Variants in MYH15 observed in about 807,000 individuals in gnomAD.
The protein encoded by MYH15 is myosin-15.
Under a neutral mutation model 240.5 loss-of-function variants are expected in MYH15, and 227 were observed. That is an observed-to-expected ratio of 0.94 (90% confidence interval 0.85 to 1.05). The LOEUF (loss-of-function observed/expected upper bound fraction) is 1.05, where lower values mean the gene tolerates loss of function less well. Among genes scored for constraint, MYH15 ranks in the 50% least tolerant of loss-of-function variants. MYH15 has a pLI of 0.00. For synonymous variants in MYH15, 785 were observed against 796.7 expected (o/e 0.99, Z 0.25); for missense variants, 2,217 against 2,247.5 (o/e 0.99, Z 0.27).
intron 11 of MYH15, among the ~76,000 whole-genome samples, chr3:108,480,517 T>C (rs1445393689): frequency 6.6e-6 from 1 of 152,220 alleles, no homozygotes; most frequent in Non-Finnish European, 1.5e-5. Context: ...AGAGTCATGC[T>C]TTAGGATGCT....
At chr3:108,459,994 C>T (rs1317866641) in intron 17 of MYH15, among the ~76,000 whole-genome samples, 1 of 152,150 alleles carries the variant, frequency 6.6e-6, no homozygotes, top group Non-Finnish European at 1.5e-5. Context: ...AGGCTAAAGT[C>T]TGGAGAGGAG....
chr3:108,534,098 A>G (rs1207342822), upstream of MYH15, among the ~76,000 whole-genome samples: 1 of 152,162 alleles, frequency 6.6e-6, no homozygotes, highest in Admixed American at 6.5e-5. Context: ...CTTGTCATTA[A>G]TCTAAGGAGT....
chr3:108,491,041 C>T (rs151228284), intron 9 of MYH15, among the ~76,000 whole-genome samples: 114 of 152,234 alleles, frequency 7.5e-4, no homozygotes, highest in African/African-American at 2.4e-3. Flanking sequence ...GCACCTGCCA[C>T]CATGCCTGGC....
chr3:108,505,851 A>T, intron 1 of MYH15, 22 bp from the exon 2 acceptor site: 1 of 1,475,200 alleles, frequency 6.8e-7, no homozygotes, highest in East Asian at 2.3e-5. Flanking sequence ...AAAAAAAAAA[A>T]AATGGATTAT....
At chr3:108,537,798 G>T in the MYH15 span, among the ~76,000 whole-genome samples, 1 of 152,146 alleles carries the variant, frequency 6.6e-6, no homozygotes, top group Non-Finnish European at 1.5e-5. Flanking sequence ...AGATAAATGG[G>T]AGACGGGGAA....
At chr3:108,502,895 T>TGCAGAAC (rs1331584051) in intron 2 of MYH15, among the ~76,000 whole-genome samples, 1 of 152,130 alleles carries the variant, frequency 6.6e-6, no homozygotes, top group Non-Finnish European at 1.5e-5. Context: ...CTCAAACCCA[T>TGCAGAAC]GCAGAACGTA....
At chr3:108,518,387 A>G (rs1467652187) in intron 1 of MYH15, among the ~76,000 whole-genome samples, 1 of 152,116 alleles carries the variant, frequency 6.6e-6, no homozygotes, top group Admixed American at 6.6e-5. Flanking sequence ...ACCCCTGCCA[A>G]CATCTGGATC....
At chr3:108,537,785 A>G in the MYH15 span, among the ~76,000 whole-genome samples, 1 of 152,226 alleles carries the variant, frequency 6.6e-6, no homozygotes, top group East Asian at 1.9e-4. Context: ...TACCTTAGAC[A>G]GCAGATAAAT....
intron 25 of MYH15, among the ~76,000 whole-genome samples, chr3:108,436,644 T>C (rs1470892541): frequency 6.6e-6 from 1 of 152,192 alleles, no homozygotes; most frequent in African/African-American, 2.4e-5. Context: ...GTTCAAGCGA[T>C]TCTCCTGCCT....
At chr3:108,505,106 T>C (rs1462986167) in intron 2 of MYH15, among the ~76,000 whole-genome samples, 1 of 152,210 alleles carries the variant, frequency 6.6e-6, no homozygotes, top group East Asian at 1.9e-4. Flanking sequence ...TAAGTCATTA[T>C]TCACCCCACA....
intron 29 of MYH15, 134 bp downstream of exon 29, chr3:108,416,678 T>C: frequency 1.3e-6 from 1 of 746,358 alleles, no homozygotes; most frequent in Non-Finnish European, 2.2e-6. Context: ...CCTGGCATGG[T>C]TTTTCCCCCA....
intron 1 of MYH15, among the ~76,000 whole-genome samples, chr3:108,524,439 T>C (rs909023276): frequency 3.9e-5 from 6 of 152,052 alleles, no homozygotes; most frequent in Non-Finnish European, 5.9e-5. Context: ...TTGTTCTTTG[T>C]ACATTTTGTG....
In MYH15 at chr3:108,381,183, T is replaced by C. The variant is rs2082339761; in HGVS notation, c.*362A>G. 3 of 257,968 alleles carry C rather than the reference T, an allele frequency of 1.2e-5. No homozygotes were observed. The highest frequency in any genetic ancestry group is 2.2e-5 in the Non-Finnish European group (3 of 134,516). The allele number at this position is 257,968 out of a possible 1,614,324, so 16.0% of individuals were successfully genotyped here. Reference sequence around the variant, plus strand: ...ATTCACCAACATGCCCTAGTCCCCATGAAGCGTGACTGGTCTAAGGACATC... The same window carrying C: ...ATTCACCAACATGCCCTAGTCCCCACGAAGCGTGACTGGTCTAAGGACATC... On this transcript the variant is annotated 3_prime_UTR_variant, in exon 41 of 41. Coordinates refer to ENST00000693548, the MANE Select transcript of MYH15 (RefSeq NM_014981.3).
chr3:108,529,078 G>T (rs1411855890), intron 1 of MYH15, among the ~76,000 whole-genome samples: 1 of 152,146 alleles, frequency 6.6e-6, no homozygotes, highest in Non-Finnish European at 1.5e-5. Flanking sequence ...TTAAAAAGCA[G>T]ACCGGCTACA....
At chr3:108,531,413 T>A (rs2083709580), upstream of MYH15, among the ~76,000 whole-genome samples, 1 of 151,960 alleles carries the variant, frequency 6.6e-6, no homozygotes, top group Non-Finnish European at 1.5e-5. Context: ...CACGGGCACT[T>A]GAAACTCTGG....
chr3:108,420,431 A>G (rs12493398), intron 28 of MYH15, among the ~76,000 whole-genome samples: 13,606 of 152,254 alleles, frequency 0.089, 1,401 homozygotes, highest in East Asian at 0.55. Context: ...AGCAGGGCCT[A>G]TCCTGACTTT....
At chr3:108,453,887 A>G in intron 21 of MYH15, 119 bp downstream of exon 21, 1 of 1,017,982 alleles carries the variant, frequency 9.8e-7, no homozygotes, top group Non-Finnish European at 1.4e-6. Flanking sequence ...AAAAATGTTT[A>G]AGACCCAGCC....
intron 30 of MYH15, among the ~76,000 whole-genome samples, chr3:108,411,262 G>A (rs1459228241): frequency 1.3e-5 from 2 of 152,184 alleles, no homozygotes; most frequent in African/African-American, 4.8e-5. Flanking sequence ...TAAGAAGGGG[G>A]AGAAAAGGAA....
chr3:108,388,859 A>C, intron 38 of MYH15, 111 bp downstream of exon 38: 1 of 830,584 alleles, frequency 1.2e-6, no homozygotes, highest in Non-Finnish European at 1.9e-6. Flanking sequence ...AAGGAGAACA[A>C]AGATGAAGAG....
Sources: allele counts gnomAD v4.1 joint callset (sites outside exome capture counted in the v4.1 genomes callset), GRCh38; gene constraint gnomAD v4.1.1; transcripts MANE v1.5; gene names NCBI Gene and HGNC (gene_info 2026-07-23, HGNC 2026-07-21).